INTS9: variants seen among roughly 807,000 people sequenced by gnomAD.
INTS9 encodes the protein integrator complex subunit 9, also known as protein related to CPSF subunits of 74 kDa.
A neutral mutation model predicts 79.7 loss-of-function variants in INTS9; 55 were observed. That is an observed-to-expected ratio of 0.69 (90% confidence interval 0.56 to 0.86). INTS9 has a LOEUF of 0.86. Among genes scored for constraint, INTS9 ranks in the 40% least tolerant of loss-of-function variants. INTS9 has a pLI of 0.00. For missense variants in INTS9, 721 were observed against 831.5 expected (o/e 0.87, Z 1.64); for synonymous variants, 319 against 325.2 (o/e 0.98, Z 0.20).
chr8:28,846,623 G>T, intron 4 of INTS9, 124 bp downstream of exon 4: 1 of 719,200 alleles, frequency 1.4e-6, no homozygotes. Flanking sequence ...CAATGTGCCT[G>T]GAATAACAGA....
At chr8:28,876,307 C>T (rs1264605065) in intron 1 of INTS9, among the ~76,000 whole-genome samples, 2 of 152,124 alleles carry the variant, frequency 1.3e-5, no homozygotes, top group Non-Finnish European at 2.9e-5. Context: ...CTGTTATGCA[C>T]CACCTAAGAC....
At chr8:28,859,375 A>C in intron 2 of INTS9, 61 bp downstream of exon 2, 9 of 1,565,684 alleles carry the variant, frequency 5.7e-6, no homozygotes, top group East Asian at 2.3e-5. Flanking sequence ...CCTTCATACT[A>C]ATGGTACCAT....
intron 6 of INTS9, among the ~76,000 whole-genome samples, chr8:28,821,031 A>G (rs1156883698): frequency 6.6e-6 from 1 of 152,226 alleles, no homozygotes; most frequent in East Asian, 1.9e-4. Flanking sequence ...TTAAAATTCC[A>G]CTTCCCATTG....
At chr8:28,813,757 C>T in intron 6 of INTS9, 145 bp from the exon 7 acceptor site, 1 of 891,822 alleles carries the variant, frequency 1.1e-6, no homozygotes, top group Non-Finnish European at 1.7e-6. Flanking sequence ...GACCATTTCT[C>T]TGTTTTTATT....
intron 5 of INTS9, among the ~76,000 whole-genome samples, chr8:28,835,760 C>T (rs1006362282): frequency 6.6e-6 from 1 of 151,022 alleles, no homozygotes; most frequent in East Asian, 1.9e-4. Context: ...ATTTTGGTGA[C>T]GTAGTAGGGT....
chr8:28,860,529 T>C (rs1163690592), intron 1 of INTS9, among the ~76,000 whole-genome samples: 3 of 151,182 alleles, frequency 2.0e-5, no homozygotes, highest in East Asian at 3.9e-4. Flanking sequence ...TAGGCTGGAG[T>C]GCAGTGGTGT....
chr8:28,862,538 T>C (rs1052029103), intron 1 of INTS9, among the ~76,000 whole-genome samples: 4 of 152,220 alleles, frequency 2.6e-5, no homozygotes, highest in African/African-American at 7.2e-5. Context: ...TCTTTTTCCA[T>C]ACTGGACTAT....
At chr8:28,794,147 C>G (rs750980600) in intron 9 of INTS9, among the ~76,000 whole-genome samples, 160 bp from the exon 10 acceptor site, 13 of 152,200 alleles carry the variant, frequency 8.5e-5, no homozygotes, top group Admixed American at 2.6e-4. Flanking sequence ...CACATCAAAG[C>G]AGGGGATGCT....
At chr8:28,882,356 C>G (rs999220210) in intron 1 of INTS9, among the ~76,000 whole-genome samples, 6 of 142,204 alleles carry the variant, frequency 4.2e-5, no homozygotes, top group African/African-American at 1.5e-4. Context: ...CCTAGGAAAA[C>G]CAGAGACCTT....
chr8:28,777,577 T>C (rs965816883), intron 13 of INTS9, among the ~76,000 whole-genome samples: 1 of 152,106 alleles, frequency 6.6e-6, no homozygotes, highest in African/African-American at 2.4e-5. Context: ...GGGTTTGCTT[T>C]TAAGCGGACA....
At chr8:28,816,206 GGTTA>G (rs1805468099) in intron 6 of INTS9, among the ~76,000 whole-genome samples, 1 of 151,004 alleles carries the variant, frequency 6.6e-6, no homozygotes, top group Admixed American at 6.6e-5. Context: ...ACAATGTGCA[GGTTA>G]GTTACATATG....
chr8:28,783,651 T>A (rs1449266316), intron 11 of INTS9: 1 of 152,212 alleles, frequency 6.6e-6, no homozygotes, highest in Non-Finnish European at 1.5e-5. Context: ...CCTGGTTGTA[T>A]TAGGAAGACA....
chr8:28,813,967 G>A (rs946218758), intron 6 of INTS9, among the ~76,000 whole-genome samples: 2 of 151,612 alleles, frequency 1.3e-5, no homozygotes, highest in African/African-American at 4.9e-5. Flanking sequence ...CACCATGTTG[G>A]CCATGATGGT....
At chr8:28,881,371 C>T (rs1585534323) in intron 1 of INTS9, among the ~76,000 whole-genome samples, 1 of 143,622 alleles carries the variant, frequency 7.0e-6, no homozygotes, top group Non-Finnish European at 1.5e-5. Context: ...CCGGCCGCCC[C>T]TACTGGGAAG....
chr8:28,827,194 G>T (rs140724604), intron 6 of INTS9, among the ~76,000 whole-genome samples: 1 of 152,210 alleles, frequency 6.6e-6, no homozygotes, highest in Admixed American at 6.5e-5. Context: ...CAAGTTCTCA[G>T]AGTCTAAATG....
chr8:28,833,923 A>AGGTTTCT lies in INTS9; in HGVS notation c.488+1368_488+1369insAGAAACC, dbSNP rs1409891426. ...CTCTTTCAGCCTGGTTTCTGGACCT[A>AGGTTTCT]GCACTCTACGGCAACTCACCTCTCC... On this transcript the variant is annotated intron_variant, in intron 6 of 16. Coordinates refer to ENST00000521022, the MANE Select transcript of INTS9 (RefSeq NM_018250.4). Among the ~76,000 whole-genome samples, 5 of 152,242 alleles carry AGGTTTCT rather than the reference A, an allele frequency of 3.3e-5. No individual in the cohort carries two copies. The South Asian group carries it at 8.3e-4, about 25-fold the overall frequency.
chr8:28,816,456 G>A (rs550512809), intron 6 of INTS9, among the ~76,000 whole-genome samples: 3,281 of 150,122 alleles, frequency 0.022, 131 homozygotes, highest in African/African-American at 0.076. Flanking sequence ...TTCCAATTTC[G>A]TCCATGTCCC....
chr8:28,812,179 G>A (rs749220513), intron 8 of INTS9, 148 bp downstream of exon 8: 61 of 774,020 alleles, frequency 7.9e-5, no homozygotes, highest in Non-Finnish European at 1.2e-4. Context: ...TCAAAATGTT[G>A]AGACTCAAAT....
chr8:28,770,967 C>T lies in INTS9; in HGVS notation c.1662+15G>A. ...GGGGAGAGGGTCCCCTGCACTCCCACCCAGCACCCCCTACCTGAAGCAAGT... is the reference window on the plus strand; with the variant it reads ...GGGGAGAGGGTCCCCTGCACTCCCATCCAGCACCCCCTACCTGAAGCAAGT... On this transcript the variant is annotated intron_variant, in intron 15 of 16. Transcript: ENST00000521022. 1 of 1,607,762 alleles carries T rather than the reference C, an allele frequency of 6.2e-7. No individual in the cohort carries two copies. The highest frequency in any genetic ancestry group is 8.5e-7 in the Non-Finnish European group (1 of 1,176,250).
Sources: allele counts gnomAD v4.1 joint callset (sites outside exome capture counted in the v4.1 genomes callset), GRCh38; gene constraint gnomAD v4.1.1; transcripts MANE v1.5; gene names NCBI Gene and HGNC (gene_info 2026-07-23, HGNC 2026-07-21).